The following CACNB2 variants were observed in gnomAD, a reference collection of about 807,000 sequenced individuals.
CACNB2 encodes the protein calcium voltage-gated channel auxiliary subunit beta 2.
CACNB2 carries 42 observed loss-of-function variants against 73.3 expected under a neutral mutation model. The observed-to-expected ratio is 0.57, with a 90% CI of 0.45 to 0.74. CACNB2 has a LOEUF of 0.74. Among genes scored for constraint, CACNB2 ranks in the 30% least tolerant of loss-of-function variants. CACNB2 has a pLI of 0.00. For missense variants in CACNB2, 940 were observed against 853.0 expected (o/e 1.10, Z -1.27); for synonymous variants, 348 against 310.3 (o/e 1.12, Z -1.28).
intron 2 of CACNB2, among the ~76,000 whole-genome samples, chr10:18,315,074 G>C (rs1408935504): frequency 1.3e-5 from 2 of 152,186 alleles, no homozygotes; most frequent in Non-Finnish European, 2.9e-5. Context: ...GCTCATGCCT[G>C]TAATCTCAGC....
At chr10:18,335,618 C>G (rs377057016) in intron 2 of CACNB2, among the ~76,000 whole-genome samples, 1 of 152,112 alleles carries the variant, frequency 6.6e-6, no homozygotes, top group Non-Finnish European at 1.5e-5. Flanking sequence ...CCATCACTTC[C>G]TGTCTTACAT....
intron 2 of CACNB2, among the ~76,000 whole-genome samples, chr10:18,367,136 C>T (rs1297313792): frequency 6.6e-6 from 1 of 152,086 alleles, no homozygotes; most frequent in Non-Finnish European, 1.5e-5. Flanking sequence ...ATTTTTTTAA[C>T]CATTTCCAAG....
At chr10:18,426,982 T>G (rs2045636281) in intron 3 of CACNB2, among the ~76,000 whole-genome samples, 1 of 66,472 alleles carries the variant, frequency 1.5e-5, no homozygotes, top group African/African-American at 6.6e-5. Flanking sequence ...TGAGACTGAG[T>G]TTTGTACTTG....
chr10:18,429,589 G>A (rs2045772089), intron 3 of CACNB2, among the ~76,000 whole-genome samples: 2 of 151,782 alleles, frequency 1.3e-5, no homozygotes, highest in South Asian at 4.2e-4. Context: ...CACTTTGGGA[G>A]GCCAAGGCGG....
chr10:18,201,357 C>T (rs2034873098), intron 2 of CACNB2, among the ~76,000 whole-genome samples: 2 of 151,792 alleles, frequency 1.3e-5, no homozygotes, highest in South Asian at 2.1e-4. Flanking sequence ...TCACTGCAAC[C>T]TCCGTCTCCT....
At chr10:18,491,320 A>G (rs2049409469) in intron 3 of CACNB2, among the ~76,000 whole-genome samples, 1 of 152,236 alleles carries the variant, frequency 6.6e-6, no homozygotes, top group Non-Finnish European at 1.5e-5. Flanking sequence ...GTGGTGGCTC[A>G]CACCTATAAT....
chr10:18,514,529 C>A (rs1444943349), intron 7 of CACNB2, 160 bp downstream of exon 7: 1 of 1,613,698 alleles, frequency 6.2e-7, no homozygotes, highest in East Asian at 2.2e-5. Flanking sequence ...AAGCAGAAAT[C>A]GGTAAGTTTA....
chr10:18,536,243 C>CTTGTTTTTTTTTTTTTTTT, intron 12 of CACNB2, 47 bp downstream of exon 12: 1 of 280,946 alleles, frequency 3.6e-6, no homozygotes, highest in Non-Finnish European at 5.8e-6. Flanking sequence ...GAGATCAGAC[C>CTTGTTTTTTTTTTTTTTTT]TTTTTTTTTT....
At chr10:18,331,922 G>C (rs2040823064) in intron 2 of CACNB2, among the ~76,000 whole-genome samples, 1 of 152,158 alleles carries the variant, frequency 6.6e-6, no homozygotes, top group Non-Finnish European at 1.5e-5. Flanking sequence ...CAGGGTGGGG[G>C]CAGTGAGGGG....
In CACNB2 at chr10:18,144,137, G is replaced by A. The variant is rs193268302; in HGVS notation, c.120+3281G>A. On this transcript the variant is annotated intron_variant, in intron 1 of 13. Transcript: ENST00000324631. Reference sequence around the variant, plus strand: ...CTGTCACCCAGGCTGGAGTGCAGTGGCATTATCTCAGCTCACTGCAACCTC... The same window carrying A: ...CTGTCACCCAGGCTGGAGTGCAGTGACATTATCTCAGCTCACTGCAACCTC... Among the ~76,000 whole-genome samples the A allele has an allele frequency of 3.9e-5, 6 of 152,322 alleles. No homozygotes were observed. In the East Asian group the frequency reaches 1.2e-3, roughly 29 times the overall value.
In CACNB2 at chr10:18,167,643, A is replaced by G. The variant is rs548693342; in HGVS notation, c.213+16668A>G. The stretch of plus-strand genomic sequence containing the variant: ...CGAGGCCCTGCAACTCAGTACCTGC[A>G]TGATCGGGGGAAGTTTTATCAACTC... On this transcript the variant is annotated intron_variant, in intron 2 of 13. Coordinates refer to ENST00000324631, the MANE Select transcript of CACNB2 (RefSeq NM_201596.3). 2.6e-5 allele frequency among the ~76,000 whole-genome samples: 4 copies of G among 152,264 alleles called. No individual in the cohort carries two copies. In the South Asian group the frequency reaches 8.3e-4, roughly 32 times the overall value.
At chr10:18,307,983 C>CATTTTTTTTTTTTTT (rs1356604464) in intron 2 of CACNB2, among the ~76,000 whole-genome samples, 4 of 70,246 alleles carry the variant, frequency 5.7e-5, no homozygotes, top group Admixed American at 1.9e-4. Context: ...TATATGCCAA[C>CATTTTTTTTTTTTTT]TTTTTTTTTT....
intron 3 of CACNB2, among the ~76,000 whole-genome samples, chr10:18,463,026 G>C (rs1320044042): frequency 6.6e-6 from 1 of 152,168 alleles, no homozygotes; most frequent in African/African-American, 2.4e-5. Flanking sequence ...CAAAGTGTTA[G>C]GATTACAGGC....
intron 7 of CACNB2, among the ~76,000 whole-genome samples, chr10:18,516,754 G>A (rs2051320782): frequency 6.6e-6 from 1 of 151,782 alleles, no homozygotes; most frequent in African/African-American, 2.4e-5. Context: ...CTATGTTTTA[G>A]GTTGCTTTTA....
intron 2 of CACNB2, among the ~76,000 whole-genome samples, chr10:18,263,806 C>G (rs1192760532): frequency 6.6e-6 from 1 of 152,206 alleles, no homozygotes; most frequent in Admixed American, 6.5e-5. Flanking sequence ...CTTCTCTGAG[C>G]AGTGGGCTCA....
intron 2 of CACNB2, among the ~76,000 whole-genome samples, chr10:18,375,102 C>A (rs540647712): frequency 6.6e-6 from 1 of 152,224 alleles, no homozygotes; most frequent in African/African-American, 2.4e-5. Context: ...CCTGTGGTCC[C>A]AGCTACTCGG....
chr10:18,201,848 C>A (rs1047279564), intron 2 of CACNB2, among the ~76,000 whole-genome samples: 1 of 152,164 alleles, frequency 6.6e-6, no homozygotes, highest in Non-Finnish European at 1.5e-5. Flanking sequence ...TTTAACAAAT[C>A]TCTCCCTGAC....
chr10:18,456,969 C>G (rs1465161587), intron 3 of CACNB2, among the ~76,000 whole-genome samples: 1 of 152,170 alleles, frequency 6.6e-6, no homozygotes, highest in Non-Finnish European at 1.5e-5. Context: ...CCTTTCTCCC[C>G]TTAAGGGCCC....
chr10:18,406,963 T>C (rs7909027), intron 3 of CACNB2, among the ~76,000 whole-genome samples: 66,742 of 151,470 alleles, frequency 0.44, 16,774 homozygotes, highest in African/African-American at 0.69. Flanking sequence ...ATAGACCCTT[T>C]CAGAGAAAGG....
Sources: gnomAD v4.1 joint callset for allele counts (sites outside exome capture counted in the v4.1 genomes callset) on GRCh38, gnomAD v4.1.1 for gene constraint, MANE v1.5 for transcripts, NCBI Gene and HGNC (gene_info 2026-07-23, HGNC 2026-07-21) for gene names.